Variants in FNBP1 observed in about 807,000 individuals in gnomAD.
The protein encoded by FNBP1 is formin binding protein 1.
In FNBP1, 26 loss-of-function variants were observed where a neutral mutation model predicts 90.6. The observed-to-expected ratio is 0.29, with a 90% confidence interval of 0.21 to 0.40. The LOEUF (loss-of-function observed/expected upper bound fraction) is 0.40. Among genes scored for constraint, FNBP1 ranks in the 10% least tolerant of loss-of-function variants. The pLI, the probability that FNBP1 is intolerant of heterozygous loss-of-function variation, is 1.00. For missense variants in FNBP1, 635 were observed against 768.0 expected (o/e 0.83, Z 2.05); for synonymous variants, 260 against 265.2 (o/e 0.98, Z 0.19).
At chr9:130,013,048 T>G (rs2056825014) in intron 1 of FNBP1, among the ~76,000 whole-genome samples, 1 of 152,208 alleles carries the variant, frequency 6.6e-6, no homozygotes, top group Admixed American at 6.5e-5. Flanking sequence ...TTGAGGAAAG[T>G]GAACATAAAA....
Position 129,899,813 on chromosome 9 carries a change from AG to A in FNBP1, c.1687+151del, listed in dbSNP as rs370228272. On this transcript the variant is annotated intron_variant, in intron 15 of 16. Coordinates refer to ENST00000446176, the MANE Select transcript of FNBP1 (RefSeq NM_015033.3). ...AGGGAAGGAAGGAAGGGGAAGGGGA[AG>A]GGGAAGGGGAAGGGAAGGTAGGAAG... Among the ~76,000 whole-genome samples, 5 of 138,202 alleles carry A rather than the reference AG, an allele frequency of 3.6e-5. No homozygotes were observed. The East Asian group carries it at 1.0e-3, about 28-fold the overall frequency. 90.7% of individuals were successfully genotyped at this position (138,202 alleles called of 152,430 possible).
chr9:129,913,133 G>A (rs558688199), intron 11 of FNBP1, among the ~76,000 whole-genome samples: 1 of 152,114 alleles, frequency 6.6e-6, no homozygotes, highest in South Asian at 2.1e-4. Flanking sequence ...GCTTCAACCC[G>A]GGAGGCGGAG....
chr9:129,906,906 A>G (rs1427035982), intron 12 of FNBP1, among the ~76,000 whole-genome samples: 2 of 151,906 alleles, frequency 1.3e-5, no homozygotes, highest in East Asian at 3.9e-4. Flanking sequence ...CAGCCTCCCT[A>G]GTAGCTGGGA....
At position 129,994,998 on chromosome 9, in the gene FNBP1, T is replaced by C. The variant is rs769840341; in HGVS notation, c.25-40A>G. The C allele has an allele frequency of 1.0e-5, 9 of 900,258 alleles. No individual in the cohort carries two copies. The Admixed American group carries it at 1.5e-4, about 15-fold the overall frequency. 55.8% of individuals were successfully genotyped at this position (900,258 alleles called of 1,614,324 possible). ...CAAGAGAGAAGTTATGGTCTTTCCC[T>C]GTGATTAACATAATTTCAATGAATA... On this transcript the variant is annotated intron_variant, in intron 1 of 16. Coordinates refer to ENST00000446176, the MANE Select transcript of FNBP1 (RefSeq NM_015033.3).
In FNBP1 at chr9:130,042,891, A is replaced by G; in HGVS notation, c.24+61T>C. On this transcript the variant is annotated intron_variant, in intron 1 of 16. Transcript: ENST00000446176. This position sits in a 1 kb window ranked among gnomAD's most constrained non-coding sequence, Gnocchi z 5.5. Reference sequence around the variant, plus strand: ...GCAGCGCGGCCCGCGCCCCCTCCCCAGGCCGCGGGGAAACGCAGCGCGCGC... The same window carrying G: ...GCAGCGCGGCCCGCGCCCCCTCCCCGGGCCGCGGGGAAACGCAGCGCGCGC... 1.8e-6 allele frequency: 2 copies of G among 1,138,616 alleles called. No homozygotes were observed. The highest frequency in any genetic ancestry group is 2.2e-6 in the Non-Finnish European group (2 of 905,052). 70.5% of individuals were successfully genotyped at this position (1,138,616 alleles called of 1,614,324 possible).
Position 129,966,994 on chromosome 9 carries a change from G to T in FNBP1, c.346-8441C>A, listed in dbSNP as rs972205802. ...GATAATGAGGCACAGGACTGGGGTA[G>T]ATGTGGAAGAGGGGTGAGAAGTGCT... On this transcript the variant is annotated intron_variant, in intron 4 of 16. Transcript: ENST00000446176. The surrounding 1 kb of genome is among the most constrained non-coding windows in gnomAD (Gnocchi z 4.3). 2.0e-5 allele frequency among the ~76,000 whole-genome samples: 3 copies of T among 152,210 alleles called. No individual in the cohort carries two copies. Among genetic ancestry groups the T allele is most frequent in the African/African-American group, 7.2e-5 (3 of 41,468 alleles).
rs563462456 is a variant in FNBP1 at position 130,040,881 on chromosome 9, TC to T, written c.24+2070del. ...GGCTTCAATAATGGCCAACTCTGTC[TC>T]ACTATCTCCCATCTACTAACAACCC... On this transcript the variant is annotated intron_variant, in intron 1 of 16. Transcript: ENST00000446176. Among the ~76,000 whole-genome samples the T allele has an allele frequency of 5.2e-3, 792 of 152,278 alleles. 11 individuals are homozygous for T. Among genetic ancestry groups the T allele is most frequent in the African/African-American group, 0.018 (736 of 41,566 alleles).
At position 129,924,998 on chromosome 9, in the gene FNBP1, A is replaced by G; in HGVS notation, c.949T>C (p.Ser317Pro). ...ATGAACGGCCATAACTTTCCTTTGG[A>G]TTTGCCACCAAATTTGAGGTCTGGT... Reference protein sequence around the residue: ...GKPDLKFGGKSKGKLWPFIKK... With the variant: ...GKPDLKFGGKPKGKLWPFIKK... The change falls in exon 9 of 17, where the codon TCC (serine) becomes CCC (proline). Residue 317 changes from serine (S) to proline (P), a missense_variant. Ser to Pro is a moderately conservative substitution (Grantham distance 74). Coordinates refer to ENST00000446176, the MANE Select transcript of FNBP1 (RefSeq NM_015033.3). The G allele has an allele frequency of 6.2e-7, 1 of 1,613,682 alleles. No homozygotes were observed. Among genetic ancestry groups the G allele is most frequent in the Non-Finnish European group, 8.5e-7 (1 of 1,179,816 alleles).
At chr9:130,006,437 G>C (rs1403021174) in intron 1 of FNBP1, among the ~76,000 whole-genome samples, 1 of 152,224 alleles carries the variant, frequency 6.6e-6, no homozygotes, top group African/African-American at 2.4e-5. Flanking sequence ...GGAGGTTGCA[G>C]TGAGCTGAGA....
At chr9:130,037,675 C>T (rs1197105813) in intron 1 of FNBP1, among the ~76,000 whole-genome samples, 1 of 152,028 alleles carries the variant, frequency 6.6e-6, no homozygotes, top group Non-Finnish European at 1.5e-5. Flanking sequence ...TATTTGGGGG[C>T]AGAAAGGATA....
intron 16 of FNBP1, among the ~76,000 whole-genome samples, chr9:129,893,454 A>AC (rs1463670639): frequency 6.7e-6 from 1 of 149,434 alleles, no homozygotes; most frequent in Non-Finnish European, 1.5e-5. Context: ...AAAAAAAAAA[A>AC]ATACAAAGAT....
intron 6 of FNBP1, among the ~76,000 whole-genome samples, chr9:129,949,091 A>G (rs1174577779): frequency 6.6e-6 from 1 of 152,112 alleles, no homozygotes; most frequent in Non-Finnish European, 1.5e-5. Context: ...TTTCACCTTC[A>G]GCTGAAACAC....
At chr9:129,977,314 G>A (rs548372558) in intron 4 of FNBP1, among the ~76,000 whole-genome samples, 2 of 152,190 alleles carry the variant, frequency 1.3e-5, no homozygotes, top group South Asian at 4.1e-4. Flanking sequence ...TAGACTTTGA[G>A]CATCCATTTT....
rs2036788366 is a variant in FNBP1 at position 129,900,844 on chromosome 9, G to A, written c.1429-297C>T. 6.6e-6 allele frequency among the ~76,000 whole-genome samples: 1 copy of A among 152,266 alleles called. No homozygotes were observed. On this transcript the variant is annotated intron_variant, in intron 13 of 16. Coordinates refer to ENST00000446176, the MANE Select transcript of FNBP1 (RefSeq NM_015033.3). This position sits in a 1 kb window ranked among gnomAD's most constrained non-coding sequence, Gnocchi z 4.1. ...GTGGTTGCCCACGATGGGGCAGAAA[G>A]CACACTGGACTATGCTATCCCCTTG...
intron 6 of FNBP1, among the ~76,000 whole-genome samples, chr9:129,956,309 A>T (rs2046938020): frequency 6.6e-6 from 1 of 152,224 alleles, no homozygotes; most frequent in Non-Finnish European, 1.5e-5. Flanking sequence ...ACTCTAACTG[A>T]TCTGTCAAAA....
chr9:130,010,788 C>G (rs976663826), intron 1 of FNBP1, among the ~76,000 whole-genome samples: 1 of 146,240 alleles, frequency 6.8e-6, no homozygotes, highest in African/African-American at 2.5e-5. Context: ...TGTCTCCTTC[C>G]AAAATGTTGC....
intron 11 of FNBP1, among the ~76,000 whole-genome samples, chr9:129,910,575 C>T (rs2039089534): frequency 6.6e-6 from 1 of 150,660 alleles, no homozygotes; most frequent in African/African-American, 2.4e-5. Flanking sequence ...TTACTTTAAA[C>T]CCTCAATTCT....
At chr9:130,043,859 G>GT (rs1305100661), upstream of FNBP1, among the ~76,000 whole-genome samples, 7 of 152,234 alleles carry the variant, frequency 4.6e-5, no homozygotes, top group Non-Finnish European at 1.0e-4. Flanking sequence ...AAGCAAAGGC[G>GT]TGGGGTACAC....
intron 2 of FNBP1, among the ~76,000 whole-genome samples, chr9:129,990,512 T>C (rs2131201551): frequency 6.6e-6 from 1 of 152,160 alleles, no homozygotes; most frequent in South Asian, 2.1e-4. Flanking sequence ...CTCTGTATGG[T>C]TACAGCAGAG....
Sources: allele counts gnomAD v4.1 joint callset (sites outside exome capture counted in the v4.1 genomes callset), GRCh38; gene constraint gnomAD v4.1.1; non-coding constraint Gnocchi (gnomAD v3.1); transcripts MANE v1.5; gene names NCBI Gene and HGNC (gene_info 2026-07-23, HGNC 2026-07-21).